The following DHX8 variants were observed in gnomAD, a reference collection of about 807,000 sequenced individuals.
DHX8 encodes ATP-dependent RNA helicase DHX8.
Under a neutral mutation model 140.7 loss-of-function variants are expected in DHX8, and 67 were observed. That is an observed-to-expected ratio of 0.48 (90% CI 0.39 to 0.58). The LOEUF (loss-of-function observed/expected upper bound fraction) is 0.58. Among genes scored for constraint, DHX8 ranks in the 20% least tolerant of loss-of-function variants. The pLI is 0.00. For synonymous variants in DHX8, 533 were observed against 553.2 expected (o/e 0.96, Z 0.51); for missense variants, 887 against 1,550.7 (o/e 0.57, Z 7.19).
intron 8 of DHX8, among the ~76,000 whole-genome samples, chr17:43,495,803 G>C (rs1426593661): frequency 6.6e-6 from 1 of 152,094 alleles, no homozygotes. Context: ...AACTCTCCTA[G>C]AAAAGAAGAG....
At position 43,492,944 on chromosome 17, in the gene DHX8, G is replaced by A. The variant is rs749482546; in HGVS notation, c.767G>A (p.Arg256His). The A allele has an allele frequency of 2.8e-5, 45 of 1,614,030 alleles. No homozygotes were observed. Among genetic ancestry groups the A allele is most frequent in the African/African-American group, 1.7e-4 (13 of 74,912 alleles). Residue 256 changes from arginine (R) to histidine (H), a missense_variant, in exon 6 of 23, where the codon CGC becomes CAC. Physicochemically the swap from Arg to His is conservative, Grantham distance 29. This residue lies in a region of DHX8 where 304 missense variants were observed against 306.9 expected (regional missense o/e 0.99). Transcript: ENST00000262415. ...LDRWRDKHVD[R>H]PPPEEPTIGD... is the part of the protein sequence containing the mutation. ...AGATGGCGGGATAAGCATGTGGACCGCCCTCCTCCAGAAGAGCCCACCATT... is the reference window on the plus strand; with the variant it reads ...AGATGGCGGGATAAGCATGTGGACCACCCTCCTCCAGAAGAGCCCACCATT...
At chr17:43,531,705 C>CAAACA (rs902506924), downstream of DHX8, among the ~76,000 whole-genome samples, 12 of 152,166 alleles carry the variant, frequency 7.9e-5, no homozygotes, top group African/African-American at 1.4e-4. Context: ...TGTCTCAAAA[C>CAAACA]AAACAAAACA....
At chr17:43,526,548 C>A (rs897785786), downstream of DHX8, 15 of 1,535,538 alleles carry the variant, frequency 9.8e-6, no homozygotes, top group East Asian at 2.7e-4. Flanking sequence ...GGAGCAGTGC[C>A]TCTCCAAGTT....
chr17:43,508,426 A>T lies in DHX8; in HGVS notation c.2408A>T (p.Asp803Val). ...LYERMKSLGPDVPELIILPVY... is the reference protein window; with the variant it reads ...LYERMKSLGPVVPELIILPVY... ...GAAAGAATGAAATCCCTGGGACCTG[A>T]TGTTCCAGAGTTAATTATCCTCCCA... Residue 803 changes from aspartate (D) to valine (V), a missense_variant, in exon 16 of 23, where the codon GAT becomes GTT. Around this residue, in one of 9 missense-constraint regions of DHX8, gnomAD observed 151 missense variants for 388.3 expected, o/e 0.39. Coordinates refer to ENST00000262415, the MANE Select transcript of DHX8 (RefSeq NM_004941.3). The T allele has an allele frequency of 6.2e-7, 1 of 1,613,864 alleles. No homozygotes were observed. Among genetic ancestry groups the T allele is most frequent in the Non-Finnish European group, 8.5e-7 (1 of 1,179,888 alleles).
chr17:43,488,256 C>T (rs1171712482), intron 1 of DHX8, among the ~76,000 whole-genome samples: 8 of 150,160 alleles, frequency 5.3e-5, no homozygotes, highest in East Asian at 2.0e-4. Flanking sequence ...CCAGCCTGGG[C>T]GACAGAGCGA....
downstream of DHX8, among the ~76,000 whole-genome samples, chr17:43,531,755 G>C (rs569691133): frequency 1.8e-4 from 27 of 152,272 alleles, no homozygotes; most frequent in South Asian, 4.6e-3. Context: ...TTGAGAACTA[G>C]CAAGAACCAT....
At chr17:43,511,456 A>ATTTTTTTTTTGTTTTTTTTTTTTTTT (rs760046883) in intron 16 of DHX8, among the ~76,000 whole-genome samples, 1 of 56,790 alleles carries the variant, frequency 1.8e-5, no homozygotes, top group South Asian at 8.5e-4. Flanking sequence ...TGATCCCAGC[A>ATTTTTTTTTTGTTTTTTTTTTTTTTT]TTTTTTTTTT....
Position 43,520,224 on chromosome 17 carries a change from G to A in DHX8, c.2894G>A (p.Gly965Glu). Reference protein sequence around the residue: ...ITAMEQLYTLGALDDEGLLTR... With the variant: ...ITAMEQLYTLEALDDEGLLTR... ...GCCATGGAGCAGCTGTACACACTGGGGGCCCTGGATGACGAGGGCCTGCTC... is the reference window on the plus strand; with the variant it reads ...GCCATGGAGCAGCTGTACACACTGGAGGCCCTGGATGACGAGGGCCTGCTC... Residue 965 changes from glycine to glutamate, a missense_variant, in exon 19 of 23, where the codon GGG becomes GAG. Physicochemically the swap from Gly to Glu is moderately conservative, Grantham distance 98. Transcript: ENST00000262415. 1 of 1,614,092 alleles carries A rather than the reference G, an allele frequency of 6.2e-7. No homozygotes were observed. Among genetic ancestry groups the A allele is most frequent in the Non-Finnish European group, 8.5e-7 (1 of 1,180,006 alleles).
At chr17:43,516,243 C>A (rs530532048) in intron 17 of DHX8, among the ~76,000 whole-genome samples, 1 of 152,012 alleles carries the variant, frequency 6.6e-6, no homozygotes, top group African/African-American at 2.4e-5. Context: ...GAAAATAGAC[C>A]TCATCTGCAA....
At chr17:43,513,786 TCA>T (rs1969972481) in intron 17 of DHX8, among the ~76,000 whole-genome samples, 1 of 146,932 alleles carries the variant, frequency 6.8e-6, no homozygotes, top group African/African-American at 2.5e-5. Flanking sequence ...CAATCTCGGC[TCA>T]CTGCAACCTC....
At chr17:43,543,140 C>T (rs1971607232) in intron 3 of DHX8, among the ~76,000 whole-genome samples, 1 of 152,038 alleles carries the variant, frequency 6.6e-6, no homozygotes, top group Non-Finnish European at 1.5e-5. Context: ...CTGAGCTGCT[C>T]CCTCAGAAGG....
intron 21 of DHX8, 49 bp downstream of exon 21, chr17:43,521,614 G>T (rs760664749): frequency 6.4e-7 from 1 of 1,550,580 alleles, no homozygotes; most frequent in Admixed American, 1.7e-5. Flanking sequence ...ACCACCTTGA[G>T]TATCATGTCT....
chr17:43,510,001 T>C (rs1969728148), intron 16 of DHX8, among the ~76,000 whole-genome samples: 1 of 151,844 alleles, frequency 6.6e-6, no homozygotes, highest in South Asian at 2.1e-4. Context: ...AAACACAGTT[T>C]CGCCATGTTG....
downstream of DHX8, chr17:43,530,412 G>A (rs930862097): frequency 1.4e-6 from 2 of 1,414,578 alleles, no homozygotes; most frequent in Middle Eastern, 2.4e-4. Flanking sequence ...GGCCATGGAA[G>A]GCAGCAGCGG....
In DHX8 at chr17:43,524,473, AACG is replaced by A; in HGVS notation, c.*630_*632del. On this transcript the variant is annotated 3_prime_UTR_variant, in exon 23 of 23. Coordinates refer to ENST00000262415, the MANE Select transcript of DHX8 (RefSeq NM_004941.3). ...AACGCAGGGCCTCTTTGCGCTCGGA[AACG>A]ACGTACAACCCAGACTTCCAGCCTT... 2 of 987,448 alleles carry A rather than the reference AACG, an allele frequency of 2.0e-6. No homozygotes were observed. Among genetic ancestry groups the A allele is most frequent in the Non-Finnish European group, 2.4e-6 (2 of 831,492 alleles). The allele number at this position is 987,448 out of a possible 1,614,324, so 61.2% of individuals were successfully genotyped here.
intron 10 of DHX8, among the ~76,000 whole-genome samples, chr17:43,499,594 C>T (rs977720616): frequency 1.1e-4 from 17 of 152,190 alleles, no homozygotes; most frequent in Admixed American, 1.3e-4. Context: ...CTTCTTTAGG[C>T]ATACCTGAAA....
chr17:43,533,905 T>C, intron 2 of DHX8: 1 of 1,596,634 alleles, frequency 6.3e-7, no homozygotes, highest in Non-Finnish European at 8.5e-7. Context: ...AGTGGCGGCT[T>C]CCTGCTGCAG....
intron 3 of DHX8, among the ~76,000 whole-genome samples, chr17:43,543,305 C>T (rs1351495869): frequency 6.6e-6 from 1 of 151,536 alleles, no homozygotes; most frequent in East Asian, 1.9e-4. Flanking sequence ...CTCACACACA[C>T]ACTTGCTGTC....
intron 20 of DHX8, 93 bp from the exon 21 acceptor site, chr17:43,521,276 T>C (rs1970363730): frequency 9.2e-7 from 1 of 1,090,532 alleles, no homozygotes; most frequent in African/African-American, 1.6e-5. Flanking sequence ...TGTGGACACT[T>C]TTGATAGGGT....
Sources: gnomAD v4.1 joint callset for allele counts (sites outside exome capture counted in the v4.1 genomes callset) on GRCh38, gnomAD v4.1.1 for gene constraint, gnomAD v4.1.1 regional missense constraint, MANE v1.5 for transcripts, NCBI Gene and HGNC (gene_info 2026-07-23, HGNC 2026-07-21) for gene names.